The following LYPD6 variants were observed in gnomAD, a reference collection of about 807,000 sequenced individuals.
LYPD6 encodes ly6/PLAUR domain-containing protein 6.
LYPD6 carries 15 observed loss-of-function variants against 22.7 expected under a neutral mutation model. The ratio of observed to expected loss-of-function variants is 0.66; its 90% confidence interval spans 0.44 to 1.02. LYPD6 has a LOEUF of 1.02. Ranked by LOEUF, LYPD6 falls within the 50% of genes least tolerant of loss-of-function variation. The pLI is 0.00. For synonymous variants in LYPD6, 72 were observed against 77.5 expected (o/e 0.93, Z 0.37); for missense variants, 189 against 208.4 (o/e 0.91, Z 0.57).
chr2:149,401,524 G>C (rs938300294), intron 1 of LYPD6, among the ~76,000 whole-genome samples: 3 of 152,062 alleles, frequency 2.0e-5, no homozygotes, highest in African/African-American at 4.8e-5. Context: ...TCCATTCTTC[G>C]AGCATTGATG....
intron 3 of LYPD6, among the ~76,000 whole-genome samples, chr2:149,462,536 T>G (rs1681109632): frequency 2.0e-5 from 3 of 147,814 alleles, no homozygotes; most frequent in African/African-American, 7.4e-5. Context: ...CCAGGAAGAT[T>G]TTTTTTTTTT....
At chr2:149,476,727 C>T (rs771885201), downstream of LYPD6, among the ~76,000 whole-genome samples, 6 of 152,220 alleles carry the variant, frequency 3.9e-5, no homozygotes, top group Non-Finnish European at 7.3e-5. Context: ...TGCTCCTCTT[C>T]CATCTACAGA....
chr2:149,444,864 A>G (rs1198779373), intron 2 of LYPD6, among the ~76,000 whole-genome samples: 1 of 152,194 alleles, frequency 6.6e-6, no homozygotes, highest in Non-Finnish European at 1.5e-5. Flanking sequence ...TGATGTTGAC[A>G]TTTTGACCAC....
chr2:149,400,817 GT>G (rs1682538752), intron 1 of LYPD6, among the ~76,000 whole-genome samples: 1 of 152,132 alleles, frequency 6.6e-6, no homozygotes, highest in African/African-American at 2.4e-5. Flanking sequence ...TATGAGATGG[GT>G]TTTTGTTTGT....
intron 1 of LYPD6, among the ~76,000 whole-genome samples, chr2:149,401,343 A>G (rs908774868): frequency 6.6e-6 from 1 of 152,204 alleles, no homozygotes; most frequent in African/African-American, 2.4e-5. Flanking sequence ...TTTTCTATTC[A>G]TAATGAAGAA....
chr2:149,449,730 T>A (rs560649196), intron 3 of LYPD6, among the ~76,000 whole-genome samples: 1 of 152,316 alleles, frequency 6.6e-6, no homozygotes, highest in South Asian at 2.1e-4. Context: ...TTTTATCCTA[T>A]CAAAAAGAAA....
chr2:149,458,707 T>G (rs1265610555), intron 3 of LYPD6, among the ~76,000 whole-genome samples: 2 of 152,146 alleles, frequency 1.3e-5, no homozygotes, highest in African/African-American at 4.8e-5. Flanking sequence ...TGAAACAAAT[T>G]TTTAAAATCT....
intron 1 of LYPD6, among the ~76,000 whole-genome samples, chr2:149,363,510 C>T (rs946475157): frequency 1.3e-5 from 2 of 152,130 alleles, no homozygotes; most frequent in African/African-American, 4.8e-5. Flanking sequence ...TCTCATGTCA[C>T]ATATATGCAA....
chr2:149,413,862 C>T (rs1682905021), intron 1 of LYPD6, among the ~76,000 whole-genome samples: 1 of 152,226 alleles, frequency 6.6e-6, no homozygotes, highest in African/African-American at 2.4e-5. Flanking sequence ...CAAGTCTACT[C>T]TAATTCTGGG....
At chr2:149,355,063 A>G (rs1476948705) in intron 1 of LYPD6, among the ~76,000 whole-genome samples, 4 of 152,234 alleles carry the variant, frequency 2.6e-5, no homozygotes, top group Admixed American at 2.0e-4. Flanking sequence ...TTAATTAATT[A>G]TATTTTTCCT....
At chr2:149,345,304 A>AC (rs1210391934) in intron 1 of LYPD6, among the ~76,000 whole-genome samples, 3 of 107,576 alleles carry the variant, frequency 2.8e-5, no homozygotes, top group African/African-American at 1.4e-4. Context: ...CCCTTAATTT[A>AC]AATTTTTTTT....
chr2:149,332,744 C>T (rs1463321386), intron 1 of LYPD6, among the ~76,000 whole-genome samples: 1 of 152,172 alleles, frequency 6.6e-6, no homozygotes, highest in East Asian at 1.9e-4. Context: ...TAACCCATAG[C>T]TTGAGGGACC....
intron 1 of LYPD6, among the ~76,000 whole-genome samples, chr2:149,402,488 G>A (rs1288267712): frequency 6.6e-6 from 1 of 152,166 alleles, no homozygotes; most frequent in Non-Finnish European, 1.5e-5. Flanking sequence ...GGCTGCACTA[G>A]TTTACATTCC....
chr2:149,353,467 C>T (rs1299382870), intron 1 of LYPD6, among the ~76,000 whole-genome samples: 2 of 152,114 alleles, frequency 1.3e-5, no homozygotes, highest in Non-Finnish European at 2.9e-5. Context: ...AACATTAGAC[C>T]AGCTGCTGTG....
intron 2 of LYPD6, among the ~76,000 whole-genome samples, chr2:149,444,495 A>G (rs1297472871): frequency 6.6e-6 from 1 of 152,230 alleles, no homozygotes; most frequent in East Asian, 1.9e-4. Context: ...GTTTGACAGC[A>G]TTCTACTCAC....
intron 3 of LYPD6, chr2:149,464,450 G>T: frequency 5.9e-6 from 1 of 169,530 alleles, no homozygotes. Context: ...TGAGGAGACA[G>T]TTTGGAGCCT....
At chr2:149,401,197 C>T (rs1682547148) in intron 1 of LYPD6, among the ~76,000 whole-genome samples, 1 of 152,190 alleles carries the variant, frequency 6.6e-6, no homozygotes, top group South Asian at 2.1e-4. Flanking sequence ...CAGGAATGTA[C>T]CACATGACCA....
rs1559116214 is a variant in LYPD6 at position 149,335,756 on chromosome 2, T to C, written c.-72+5034T>C. ...GGTGTATCTTTTTTCTTTTATACCG[T>C]ATTTTTATGGTACCTTTTCTATGTT... is the stretch of plus-strand genomic sequence containing the variant. On this transcript the variant is annotated intron_variant, in intron 1 of 4. Coordinates refer to ENST00000334166, the MANE Select transcript of LYPD6 (RefSeq NM_194317.5). Among the ~76,000 whole-genome samples the C allele has an allele frequency of 3.3e-5, 5 of 152,362 alleles. No homozygotes were observed. In the South Asian group the frequency reaches 8.3e-4, roughly 25 times the overall value.
Position 149,426,286 on chromosome 2 carries a change from G to A in LYPD6, c.-71-11352G>A, listed in dbSNP as rs1424010889. ...AAGGCCAAATGGAAACAACTCTCACGGTTTTTGGACAAATATTTGGTCAGG... is the reference window on the plus strand; with the variant it reads ...AAGGCCAAATGGAAACAACTCTCACAGTTTTTGGACAAATATTTGGTCAGG... On this transcript the variant is annotated intron_variant, in intron 1 of 4. Transcript: ENST00000334166. 3.3e-5 allele frequency among the ~76,000 whole-genome samples: 5 copies of A among 152,136 alleles called. No individual in the cohort carries two copies. The East Asian group carries it at 9.6e-4, about 29-fold the overall frequency.
Sources: allele counts gnomAD v4.1 joint callset (sites outside exome capture counted in the v4.1 genomes callset), GRCh38; gene constraint gnomAD v4.1.1; transcripts MANE v1.5; gene names NCBI Gene and HGNC (gene_info 2026-07-23, HGNC 2026-07-21).